Variants in PALMD observed in about 807,000 individuals in gnomAD.
PALMD encodes the protein paralemmin-like protein.
In PALMD, 42 loss-of-function variants were observed where a neutral mutation model predicts 56.2. The ratio of observed to expected loss-of-function variants is 0.75; its 90% CI spans 0.58 to 0.97. PALMD has a LOEUF of 0.97. PALMD is among the 50% of genes least tolerant of loss of function. PALMD has a pLI of 0.00. For missense variants in PALMD, 660 were observed against 643.8 expected (o/e 1.03, Z -0.27); for synonymous variants, 242 against 222.9 (o/e 1.09, Z -0.76).
chr1:99,658,805 G>T (rs1415062731), intron 1 of PALMD, among the ~76,000 whole-genome samples: 1 of 151,796 alleles, frequency 6.6e-6, no homozygotes, highest in East Asian at 1.9e-4. Context: ...ATATAGCCAG[G>T]TGTGGTGACA....
intron 1 of PALMD, among the ~76,000 whole-genome samples, chr1:99,660,896 A>G (rs1448388790): frequency 6.6e-6 from 1 of 152,202 alleles, no homozygotes; most frequent in Non-Finnish European, 1.5e-5. Flanking sequence ...TTATCTCAAT[A>G]ATAAAAATAA....
At chr1:99,662,783 G>A (rs952598566) in intron 2 of PALMD, among the ~76,000 whole-genome samples, 3 of 152,200 alleles carry the variant, frequency 2.0e-5, no homozygotes, top group South Asian at 4.1e-4. Context: ...TCCCCCGGGG[G>A]TGCAGAACAG....
intron 3 of PALMD, among the ~76,000 whole-genome samples, chr1:99,683,094 GAAAGAAAGAA>G (rs1557673937): frequency 1.6e-3 from 82 of 49,804 alleles, no homozygotes; most frequent in Non-Finnish European, 2.1e-3. Flanking sequence ...GAGAGAGAAA[GAAAGAAAGAA>G]AGAAAGAAAG....
chr1:99,650,285 G>GAA lies in PALMD; in HGVS notation c.45+3956_45+3957dup, dbSNP rs200081370. Among the ~76,000 whole-genome samples the GAA allele has an allele frequency of 2.1e-3, 245 of 116,918 alleles. 15 individuals carry two copies. Among genetic ancestry groups the GAA allele is most frequent in the African/African-American group, 5.0e-3 (135 of 27,272 alleles). 76.7% of individuals were successfully genotyped at this position (116,918 alleles called of 152,430 possible). On this transcript the variant is annotated intron_variant, in intron 1 of 7. Coordinates refer to ENST00000263174, the MANE Select transcript of PALMD (RefSeq NM_017734.5). ...TTTGCCGGCCAAAGCTGCTCATAAT[G>GAA]AAAAAAAAAAAAAAAAAAAAAAAAA...
chr1:99,692,911 T>A (rs1330614274), intron 7 of PALMD, among the ~76,000 whole-genome samples: 1 of 152,220 alleles, frequency 6.6e-6, no homozygotes, highest in Admixed American at 6.5e-5. Context: ...TTCTTGGCCC[T>A]GCCACTAGAA....
intron 1 of PALMD, among the ~76,000 whole-genome samples, chr1:99,660,674 A>T (rs548365092): frequency 2.0e-5 from 3 of 152,236 alleles, no homozygotes; most frequent in Non-Finnish European, 4.4e-5. Context: ...ACGAAATTTT[A>T]AAAGTAAGCT....
At chr1:99,667,606 A>C (rs761969951) in intron 2 of PALMD, 36 bp from the exon 3 acceptor site, 19 of 1,582,654 alleles carry the variant, frequency 1.2e-5, no homozygotes, top group Non-Finnish European at 1.2e-5. Context: ...ATTATTGACC[A>C]ATATAAGAAC....
rs373975289 is a variant in PALMD at position 99,694,079 on chromosome 1, A to G, written c.*17A>G. The G allele has an allele frequency of 1.3e-6, 2 of 1,535,788 alleles. No individual in the cohort carries two copies. The highest frequency in any genetic ancestry group is 1.8e-6 in the Non-Finnish European group (2 of 1,115,386). On this transcript the variant is annotated 3_prime_UTR_variant, in exon 8 of 8. Transcript: ENST00000263174. ...GTGATCTAAGAGTTGTACCACCTATATAAACATCCTTTGAAGAAGAAACTA... is the reference window on the plus strand; with the variant it reads ...GTGATCTAAGAGTTGTACCACCTATGTAAACATCCTTTGAAGAAGAAACTA...
At position 99,689,749 on chromosome 1, in the gene PALMD, A is replaced by G. The variant is rs778996910; in HGVS notation, c.1489A>G (p.Lys497Glu). 3 of 1,613,900 alleles carry G rather than the reference A, an allele frequency of 1.9e-6. No homozygotes were observed. Among genetic ancestry groups the G allele is most frequent in the Non-Finnish European group, 2.5e-6 (3 of 1,179,872 alleles). Residue 497 changes from lysine to glutamate, a missense_variant, in exon 7 of 8, where the codon AAA (lysine) becomes GAA (glutamate). Coordinates refer to ENST00000263174, the MANE Select transcript of PALMD (RefSeq NM_017734.5). ...TAGTCCTCATGAAAACACAAATCAT[A>G]AATCCCCCCACAAAAATTCCATATC... ...EASPHENTNH[K>E]SPHKNSISLK... is the part of the protein sequence containing the mutation.
At chr1:99,669,080 C>G (rs931043731) in intron 3 of PALMD, 4 of 152,180 alleles carry the variant, frequency 2.6e-5, no homozygotes, top group African/African-American at 4.8e-5. Context: ...CGCATTTTGT[C>G]CATACTCACT....
intron 1 of PALMD, among the ~76,000 whole-genome samples, chr1:99,652,326 G>A (rs776860569): frequency 1.6e-4 from 24 of 152,232 alleles, no homozygotes; most frequent in South Asian, 4.1e-4. Context: ...ATTTCTGGCT[G>A]GGCATGGTAG....
In PALMD at chr1:99,694,079, A is replaced by T. The variant is rs373975289; in HGVS notation, c.*17A>T. ...GTGATCTAAGAGTTGTACCACCTAT[A>T]TAAACATCCTTTGAAGAAGAAACTA... On this transcript the variant is annotated 3_prime_UTR_variant, in exon 8 of 8. Transcript: ENST00000263174. 8 of 1,535,670 alleles carry T rather than the reference A, an allele frequency of 5.2e-6. No homozygotes were observed. In the African/African-American group the frequency reaches 9.6e-5, roughly 18 times the overall value.
In PALMD at chr1:99,686,755, A is replaced by G. The variant is rs759859027; in HGVS notation, c.331A>G (p.Lys111Glu). The G allele has an allele frequency of 6.2e-7, 1 of 1,603,816 alleles. No homozygotes were observed. Among genetic ancestry groups the G allele is most frequent in the South Asian group, 1.1e-5 (1 of 90,454 alleles). ...GGAAGAGGCCATTTTAAAGAAACTA[A>G]AGTCAATTGAGCGGACAACAGAAGA... ...TKEEAILKKL[K>E]SIERTTEDII... Residue 111 changes from lysine to glutamate, a missense_variant, in exon 4 of 8, where the codon AAG (lysine) becomes GAG (glutamate). Lys to Glu is a moderately conservative substitution (Grantham distance 56). Transcript: ENST00000263174.
intron 3 of PALMD, among the ~76,000 whole-genome samples, chr1:99,676,583 C>G (rs1653218448): frequency 6.6e-6 from 1 of 152,094 alleles, no homozygotes; most frequent in Non-Finnish European, 1.5e-5. Context: ...TAGTATTCCA[C>G]TCTATATGTC....
chr1:99,683,670 T>A (rs1443795435), intron 3 of PALMD: 2 of 152,234 alleles, frequency 1.3e-5, no homozygotes, highest in Non-Finnish European at 2.9e-5. Flanking sequence ...GTTTGCCCCA[T>A]CCAGTCTATT....
intron 3 of PALMD, among the ~76,000 whole-genome samples, chr1:99,674,463 G>T (rs1653159560): frequency 6.6e-6 from 1 of 152,078 alleles, no homozygotes; most frequent in African/African-American, 2.4e-5. Context: ...CATGCCAGGA[G>T]TCACACATAG....
intron 3 of PALMD, among the ~76,000 whole-genome samples, chr1:99,683,019 G>A (rs139278108): frequency 0.036 from 1,748 of 48,244 alleles, 78 homozygotes; most frequent in African/African-American, 0.13. Flanking sequence ...AAAGAAAGAA[G>A]GAAAGAAAGA....
chr1:99,672,036 T>C (rs10493920), intron 3 of PALMD, among the ~76,000 whole-genome samples: 9,075 of 152,296 alleles, frequency 0.06, 339 homozygotes, highest in Middle Eastern at 0.16. Flanking sequence ...TTCACTTTTA[T>C]GTGTACCACT....
intron 3 of PALMD, among the ~76,000 whole-genome samples, chr1:99,681,604 A>G (rs557995540): frequency 7.7e-4 from 118 of 152,338 alleles, no homozygotes; most frequent in African/African-American, 2.8e-3. Flanking sequence ...GTACCTATCA[A>G]GAACTTACAC....
Sources: gnomAD v4.1 joint callset for allele counts (sites outside exome capture counted in the v4.1 genomes callset) on GRCh38, gnomAD v4.1.1 for gene constraint, MANE v1.5 for transcripts, NCBI Gene and HGNC (gene_info 2026-07-23, HGNC 2026-07-21) for gene names.